The following RCAN2 variants were observed in gnomAD, a reference collection of about 807,000 sequenced individuals.
RCAN2 encodes calcipressin-2.
A neutral mutation model predicts 23.6 loss-of-function variants in RCAN2; 9 were observed. The observed-to-expected ratio is 0.38, with a 90% CI of 0.23 to 0.67. RCAN2 has a LOEUF of 0.67. RCAN2 is among the 30% of genes least tolerant of loss of function. The pLI, the probability that RCAN2 is intolerant of heterozygous loss-of-function variation, is 0.51. For synonymous variants in RCAN2, 109 were observed against 115.7 expected (o/e 0.94, Z 0.37); for missense variants, 273 against 302.3 (o/e 0.90, Z 0.72).
chr6:46,332,233 G>A (rs1763996624), intron 2 of RCAN2, among the ~76,000 whole-genome samples: 1 of 152,002 alleles, frequency 6.6e-6, no homozygotes. Flanking sequence ...CTATCCCTGT[G>A]ATCAAAATAT....
intron 2 of RCAN2, among the ~76,000 whole-genome samples, chr6:46,311,341 G>C (rs953414054): frequency 9.2e-5 from 14 of 152,196 alleles, no homozygotes; most frequent in African/African-American, 3.4e-4. Flanking sequence ...ATCTACATAA[G>C]CAGAAACTTA....
At chr6:46,259,950 T>C (rs988222859) in intron 2 of RCAN2, among the ~76,000 whole-genome samples, 2 of 152,190 alleles carry the variant, frequency 1.3e-5, no homozygotes, top group African/African-American at 2.4e-5. Context: ...TCCATGCTCC[T>C]CTCTGGACTA....
At chr6:46,450,685 C>G (rs1355894766) in intron 2 of RCAN2, among the ~76,000 whole-genome samples, 1 of 151,890 alleles carries the variant, frequency 6.6e-6, no homozygotes, top group Non-Finnish European at 1.5e-5. Flanking sequence ...AAGCCAGGTA[C>G]AGAAAGACAA....
chr6:46,307,869 G>A lies in RCAN2; in HGVS notation c.226-58973C>T, dbSNP rs369727394. Reference sequence around the variant, plus strand: ...ATCTTCCTGAAGATGGTGGTGGCCCGCCTGTGGTTTCAGAGGCTTTGTTCA... The same window carrying A: ...ATCTTCCTGAAGATGGTGGTGGCCCACCTGTGGTTTCAGAGGCTTTGTTCA... On this transcript the variant is annotated intron_variant, in intron 2 of 4. Coordinates refer to ENST00000371374, the MANE Select transcript of RCAN2 (RefSeq NM_001251974.2). 2.7e-4 allele frequency among the ~76,000 whole-genome samples: 41 copies of A among 152,242 alleles called. 1 individual carries two copies. The South Asian group carries it at 7.7e-3, about 28-fold the overall frequency.
At chr6:46,229,994 ACAGT>A (rs1432422175) in intron 4 of RCAN2, among the ~76,000 whole-genome samples, 3 of 152,122 alleles carry the variant, frequency 2.0e-5, no homozygotes, top group African/African-American at 7.2e-5. Context: ...TTTCCTTCTA[ACAGT>A]CAGGACCCTC....
chr6:46,385,989 A>G (rs1396697030), intron 2 of RCAN2, among the ~76,000 whole-genome samples: 7 of 152,174 alleles, frequency 4.6e-5, no homozygotes. Context: ...AAATGCCAAA[A>G]GCAATTGCAA....
intron 2 of RCAN2, among the ~76,000 whole-genome samples, chr6:46,451,227 T>C (rs145805078): frequency 2.6e-4 from 39 of 152,234 alleles, no homozygotes; most frequent in African/African-American, 8.4e-4. Flanking sequence ...CAACCTACTG[T>C]CTGAAACTCT....
chr6:46,238,817 G>A (rs565321258), intron 4 of RCAN2, among the ~76,000 whole-genome samples: 6 of 152,292 alleles, frequency 3.9e-5, no homozygotes, highest in Admixed American at 1.3e-4. Context: ...GCCTCCCAAA[G>A]ACTGGGATTT....
chr6:46,316,287 A>T (rs73735749), intron 2 of RCAN2, among the ~76,000 whole-genome samples: 1 of 152,202 alleles, frequency 6.6e-6, no homozygotes, highest in South Asian at 2.1e-4. Flanking sequence ...AGTGTTTTAC[A>T]TACTCTAATG....
At chr6:46,260,601 A>G (rs900683636) in intron 2 of RCAN2, among the ~76,000 whole-genome samples, 1 of 152,180 alleles carries the variant, frequency 6.6e-6, no homozygotes, top group Non-Finnish European at 1.5e-5. Context: ...TTCTGACTCC[A>G]TGCAGTGACT....
rs549620785 is a variant in RCAN2, at chr6:46,335,557, C to T, written c.226-86661G>A. Among the ~76,000 whole-genome samples the T allele has an allele frequency of 4.5e-4, 69 of 152,224 alleles. No homozygotes were observed. The South Asian group carries it at 0.013, about 29-fold the overall frequency. On this transcript the variant is annotated intron_variant, in intron 2 of 4. Transcript: ENST00000371374. ...TTTTCAAATGATTCCATGGAAAGGA[C>T]GCTCCTCCTTCTCCCAAGCAGTCTT...
intron 2 of RCAN2, among the ~76,000 whole-genome samples, chr6:46,344,010 T>A (rs1764409920): frequency 6.6e-6 from 1 of 152,184 alleles, no homozygotes; most frequent in Admixed American, 6.5e-5. Context: ...TCATATGAAA[T>A]GTCCATAAAA....
At chr6:46,325,891 A>G in intron 2 of RCAN2, 1 of 985,270 alleles carries the variant, frequency 1.0e-6, no homozygotes, top group Non-Finnish European at 1.2e-6. Flanking sequence ...TGTTTGCAAA[A>G]AGCAGGAGGG....
chr6:46,259,547 C>T (rs1767042128), intron 2 of RCAN2, among the ~76,000 whole-genome samples: 1 of 152,186 alleles, frequency 6.6e-6, no homozygotes, highest in South Asian at 2.1e-4. Flanking sequence ...TCTCACATTA[C>T]TTCATTTCTG....
intron 2 of RCAN2, among the ~76,000 whole-genome samples, chr6:46,456,529 A>T (rs1768036807): frequency 1.3e-5 from 2 of 152,158 alleles, no homozygotes; most frequent in African/African-American, 2.4e-5. Context: ...GTCACAGAGG[A>T]CTCAATTTGA....
At chr6:46,303,227 C>A (rs1762962191) in intron 2 of RCAN2, among the ~76,000 whole-genome samples, 1 of 151,772 alleles carries the variant, frequency 6.6e-6, no homozygotes, top group South Asian at 2.1e-4. Context: ...TTCAGCCAAG[C>A]AGAACCAACA....
At chr6:46,441,628 C>T (rs1443629500) in intron 2 of RCAN2, among the ~76,000 whole-genome samples, 1 of 152,002 alleles carries the variant, frequency 6.6e-6, no homozygotes, top group Non-Finnish European at 1.5e-5. Context: ...TATCATGTAC[C>T]TGATCAGCAA....
chr6:46,302,967 C>A (rs1762952085), intron 2 of RCAN2, among the ~76,000 whole-genome samples: 1 of 151,936 alleles, frequency 6.6e-6, no homozygotes. Context: ...CTCCCAAGAG[C>A]CTCAGTCAAC....
intron 2 of RCAN2, among the ~76,000 whole-genome samples, chr6:46,377,535 G>A (rs1053131299): frequency 6.6e-6 from 1 of 152,138 alleles, no homozygotes; most frequent in African/African-American, 2.4e-5. Flanking sequence ...GAAGACCCTC[G>A]AAGCCAAGGG....
Sources: allele counts gnomAD v4.1 joint callset (sites outside exome capture counted in the v4.1 genomes callset), GRCh38; gene constraint gnomAD v4.1.1; transcripts MANE v1.5; gene names NCBI Gene and HGNC (gene_info 2026-07-23, HGNC 2026-07-21).